NRG1: variants seen among roughly 807,000 people sequenced by gnomAD.
NRG1 encodes pro-neuregulin-1, membrane-bound isoform.
In NRG1, 18 loss-of-function variants were observed where a neutral mutation model predicts 63.8. The observed-to-expected ratio is 0.28, with a 90% CI of 0.19 to 0.42. The LOEUF is 0.42. NRG1 is among the 10% of genes least tolerant of loss of function. The pLI, the probability that NRG1 is intolerant of heterozygous loss-of-function variation, is 1.00. For synonymous variants in NRG1, 302 were observed against 301.3 expected (o/e 1.00, Z -0.02); for missense variants, 762 against 814.7 (o/e 0.94, Z 0.79).
At chr8:31,752,771 G>A (rs1816614355) in intron 1 of NRG1, among the ~76,000 whole-genome samples, 1 of 151,978 alleles carries the variant, frequency 6.6e-6, no homozygotes, top group Admixed American at 6.6e-5. Context: ...AGGAGCACGA[G>A]TTCAGTTCTG....
intron 1 of NRG1, among the ~76,000 whole-genome samples, chr8:31,698,217 A>G (rs1262805590): frequency 6.6e-6 from 1 of 152,134 alleles, no homozygotes; most frequent in East Asian, 1.9e-4. Flanking sequence ...TCTCTGTGGC[A>G]GTATTTCTCC....
chr8:32,578,923 T>C (rs907766207), intron 1 of NRG1, among the ~76,000 whole-genome samples: 3 of 152,182 alleles, frequency 2.0e-5, no homozygotes, highest in African/African-American at 4.8e-5. Context: ...TTGAATGTAA[T>C]GTTAATCTGT....
chr8:31,722,159 C>T (rs1812983468), intron 1 of NRG1, among the ~76,000 whole-genome samples: 3 of 152,218 alleles, frequency 2.0e-5, no homozygotes, highest in South Asian at 4.1e-4. Flanking sequence ...GTGGTCTCAG[C>T]CCCTGGCTAC....
intron 2 of NRG1, among the ~76,000 whole-genome samples, chr8:32,597,183 A>G (rs1843505033): frequency 6.6e-6 from 1 of 152,190 alleles, no homozygotes; most frequent in Admixed American, 6.5e-5. Flanking sequence ...CTCACATCTC[A>G]CAGGGTTCCA....
intron 5 of NRG1, among the ~76,000 whole-genome samples, chr8:32,637,980 C>T (rs1851647193): frequency 6.6e-6 from 1 of 152,178 alleles, no homozygotes. Flanking sequence ...GGTATTGGTA[C>T]AGACATCATT....
intron 1 of NRG1, among the ~76,000 whole-genome samples, chr8:32,053,093 G>A (rs1343550232): frequency 6.6e-6 from 1 of 152,174 alleles, no homozygotes; most frequent in Non-Finnish European, 1.5e-5. Flanking sequence ...GAAAACATTG[G>A]TAGAAATGCT....
In NRG1 at chr8:31,730,663, A is replaced by G. The variant is rs187463811; in HGVS notation, c.37+91232A>G. 1.2e-4 allele frequency among the ~76,000 whole-genome samples: 18 copies of G among 152,272 alleles called. No individual in the cohort carries two copies. In the East Asian group the frequency reaches 3.3e-3, roughly 28 times the overall value. Reference sequence around the variant, plus strand: ...AAAAAACAAAGTATTAGAAGAATATATGGAGCATTTTTATACTCTTGCAGT... The same window carrying G: ...AAAAAACAAAGTATTAGAAGAATATGTGGAGCATTTTTATACTCTTGCAGT... On this transcript the variant is annotated intron_variant, in intron 1 of 10. Transcript: ENST00000519301.
chr8:31,671,584 G>T (rs1807149660), intron 1 of NRG1, among the ~76,000 whole-genome samples: 1 of 152,092 alleles, frequency 6.6e-6, no homozygotes. Flanking sequence ...CCTTCTTAAA[G>T]ACAGAGGAGA....
At chr8:32,235,175 C>T (rs956025125) in intron 1 of NRG1, among the ~76,000 whole-genome samples, 2 of 130,034 alleles carry the variant, frequency 1.5e-5, no homozygotes, top group Admixed American at 1.9e-4. Flanking sequence ...AGGAGGATTG[C>T]TTGAGCCTAG....
At chr8:31,785,280 G>A (rs10503889) in intron 1 of NRG1, among the ~76,000 whole-genome samples, 13,664 of 152,114 alleles carry the variant, frequency 0.09, 833 homozygotes, top group Admixed American at 0.16. Flanking sequence ...TCAAGGATTG[G>A]CAGTTGAAGC....
chr8:32,699,794 A>G (rs1462366731), intron 5 of NRG1, among the ~76,000 whole-genome samples: 1 of 152,234 alleles, frequency 6.6e-6, no homozygotes, highest in Admixed American at 6.5e-5. Flanking sequence ...GTGTAAATCC[A>G]TATTGAGCAA....
intron 1 of NRG1, among the ~76,000 whole-genome samples, chr8:31,820,712 A>G (rs987330157): frequency 6.6e-6 from 1 of 152,214 alleles, no homozygotes; most frequent in Non-Finnish European, 1.5e-5. Context: ...AAAGTTACAC[A>G]TTTCTTGAGA....
chr8:31,663,130 A>G lies in NRG1; in HGVS notation c.37+23699A>G, dbSNP rs547153169. Among the ~76,000 whole-genome samples the G allele has an allele frequency of 4.6e-5, 7 of 152,274 alleles. No individual in the cohort carries two copies. In the South Asian group the frequency reaches 1.4e-3, roughly 32 times the overall value. ...ATGTGCTGCCTGTGCCAGTGTTCTG[A>G]GAAGCTCCCTGAGACTGGTTTGGTG... On this transcript the variant is annotated intron_variant, in intron 1 of 10. Coordinates refer to the NRG1 transcript ENST00000519301.
chr8:32,010,988 A>C (rs375263361), intron 1 of NRG1, among the ~76,000 whole-genome samples: 14 of 152,190 alleles, frequency 9.2e-5, no homozygotes, highest in African/African-American at 2.9e-4. Flanking sequence ...TGTTTGCTTT[A>C]AAAAGTAATA....
intron 1 of NRG1, among the ~76,000 whole-genome samples, chr8:32,168,193 T>C (rs1839608156): frequency 6.6e-6 from 1 of 151,978 alleles, no homozygotes; most frequent in African/African-American, 2.4e-5. Context: ...CAATAATAAC[T>C]GTGGAAGAAG....
chr8:31,755,287 G>T (rs1370968670), intron 1 of NRG1, among the ~76,000 whole-genome samples: 1 of 152,022 alleles, frequency 6.6e-6, no homozygotes, highest in Non-Finnish European at 1.5e-5. Context: ...CCCCAGTCTT[G>T]ATACCCCAAC....
chr8:32,364,957 C>CTTTTT (rs372216683), intron 1 of NRG1, among the ~76,000 whole-genome samples: 5 of 108,460 alleles, frequency 4.6e-5, no homozygotes, highest in East Asian at 3.1e-4. Context: ...CCCTTTACTA[C>CTTTTT]TTTTTTTTTT....
chr8:31,783,665 G>A (rs1376670258), intron 1 of NRG1, among the ~76,000 whole-genome samples: 3 of 151,752 alleles, frequency 2.0e-5, no homozygotes, highest in African/African-American at 7.3e-5. Context: ...TTTCAGTCAG[G>A]AAACTTACCC....
chr8:32,753,372 C>G (rs866655540), intron 7 of NRG1, among the ~76,000 whole-genome samples: 2 of 152,168 alleles, frequency 1.3e-5, no homozygotes, highest in African/African-American at 4.8e-5. Context: ...AACTAACTCG[C>G]AAATAGAAAA....
Sources: allele counts gnomAD v4.1 joint callset (sites outside exome capture counted in the v4.1 genomes callset), GRCh38; gene constraint gnomAD v4.1.1; transcripts MANE v1.5; gene names NCBI Gene and HGNC (gene_info 2026-07-23, HGNC 2026-07-21).